The following USP36 variants were observed in gnomAD, a reference collection of about 807,000 sequenced individuals.
USP36 encodes ubiquitin specific peptidase 36, also known as ubiquitin carboxyl-terminal hydrolase 36.
In USP36, 59 loss-of-function variants were observed where a neutral mutation model predicts 111.5. The observed-to-expected ratio is 0.53, with a 90% confidence interval of 0.43 to 0.66. The LOEUF (loss-of-function observed/expected upper bound fraction) is 0.66. Among genes scored for constraint, USP36 ranks in the 30% least tolerant of loss-of-function variants. The pLI is 0.00. For missense variants in USP36, 1,488 were observed against 1,468.0 expected, an observed-to-expected ratio of 1.01 and a Z score of -0.22; for synonymous variants, 628 against 581.0, an observed-to-expected ratio of 1.08 and a Z score of -1.16.
chr17:78,794,099 G>A (rs1183630037), downstream of USP36, among the ~76,000 whole-genome samples: 2 of 152,028 alleles, frequency 1.3e-5, no homozygotes, highest in Admixed American at 6.6e-5. Flanking sequence ...CTCACCTCTT[G>A]AGTCCATCTC....
intron 5 of USP36, among the ~76,000 whole-genome samples, chr17:78,828,105 C>CT (rs1249872276): frequency 6.6e-6 from 1 of 152,006 alleles, no homozygotes; most frequent in Non-Finnish European, 1.5e-5. Flanking sequence ...GTAATCCCAG[C>CT]TACTCAGAAG....
chr17:78,792,935 C>T (rs532000370), downstream of USP36, among the ~76,000 whole-genome samples: 1 of 152,066 alleles, frequency 6.6e-6, no homozygotes, highest in Non-Finnish European at 1.5e-5. Context: ...AGGCTGGTCT[C>T]GAACTTCTGA....
intron 6 of USP36, among the ~76,000 whole-genome samples, chr17:78,825,971 A>G (rs1248675800): frequency 6.6e-6 from 1 of 152,048 alleles, no homozygotes; most frequent in East Asian, 1.9e-4. Flanking sequence ...CACTGTCTTC[A>G]CCAATTACAC....
intron 18 of USP36, among the ~76,000 whole-genome samples, chr17:78,799,406 C>T (rs1181707841): frequency 1.3e-5 from 2 of 152,312 alleles, no homozygotes; most frequent in Middle Eastern, 6.8e-3. Flanking sequence ...ACCCAAGACA[C>T]AGCATGTGTG....
chr17:78,824,213 C>A (rs1195245573), intron 6 of USP36, among the ~76,000 whole-genome samples: 1 of 152,164 alleles, frequency 6.6e-6, no homozygotes, highest in Non-Finnish European at 1.5e-5. Context: ...GTAACCATAA[C>A]CCAAGGCTGG....
intron 16 of USP36, 85 bp from the exon 17 acceptor site, chr17:78,802,620 G>A (rs2093782803): frequency 7.4e-7 from 1 of 1,355,616 alleles, no homozygotes; most frequent in East Asian, 2.5e-5. Context: ...GCAACATGGA[G>A]AAGGTGCCAC....
At chr17:78,821,153 A>G in intron 7 of USP36, 92 bp from the exon 8 acceptor site, 1 of 1,288,890 alleles carries the variant, frequency 7.8e-7, no homozygotes, top group South Asian at 1.4e-5. Context: ...GCAGACTCTC[A>G]GCAGGGCTTT....
In USP36 at chr17:78,798,140, C is replaced by G. The variant is rs2093658185; in HGVS notation, c.*20+260G>C. On this transcript the variant is annotated intron_variant, in intron 20 of 20. Coordinates refer to ENST00000449938, the MANE Select transcript of USP36 (RefSeq NM_001385174.1). The surrounding 1 kb of genome is among the most constrained non-coding windows in gnomAD (Gnocchi z 5.1). ...CCAGGTGTACACACCCCACACCCAA[C>G]ACACACTACACACACCCCCTTATAC... 2 of 484,136 alleles carry G rather than the reference C, an allele frequency of 4.1e-6. No homozygotes were observed. The highest frequency in any genetic ancestry group is 6.7e-5 in the East Asian group (2 of 29,680). 30.0% of individuals were successfully genotyped at this position (484,136 alleles called of 1,614,324 possible). A position where few individuals can be genotyped will look rare whatever the true frequency, so the allele number is the denominator to read the frequency against.
intron 12 of USP36, among the ~76,000 whole-genome samples, chr17:78,813,242 A>G (rs553108227): frequency 7.0e-6 from 1 of 143,282 alleles, no homozygotes; most frequent in Admixed American, 7.1e-5. Context: ...TTCCTCCAAG[A>G]TCAGAGTTCA....
intron 10 of USP36, among the ~76,000 whole-genome samples, chr17:78,817,871 A>T (rs1349644197): frequency 2.0e-5 from 3 of 152,190 alleles, no homozygotes; most frequent in African/African-American, 7.2e-5. Context: ...ACTTGAGCCC[A>T]GGAGTTTGAG....
chr17:78,798,302 T>C lies in USP36; in HGVS notation c.*20+98A>G, dbSNP rs539094308. 26 of 1,476,666 alleles carry C rather than the reference T, an allele frequency of 1.8e-5. 1 individual carries two copies. In the South Asian group the frequency reaches 3.0e-4, roughly 17 times the overall value. The allele number at this position is 1,476,666 out of a possible 1,614,324, so 91.5% of individuals were successfully genotyped here. A position where few individuals can be genotyped will look rare whatever the true frequency, so the allele number is the denominator to read the frequency against. On this transcript the variant is annotated intron_variant, in intron 20 of 20. Transcript: ENST00000449938. The surrounding 1 kb of genome is among the most constrained non-coding windows in gnomAD (Gnocchi z 5.1). Reference sequence around the variant, plus strand: ...ACATGTGCCAGATACACAGCCCACATACATCATACACACACGCCACACCCC... The same window carrying C: ...ACATGTGCCAGATACACAGCCCACACACATCATACACACACGCCACACCCC...
chr17:78,833,288 TTA>T (rs987563532), intron 4 of USP36, among the ~76,000 whole-genome samples: 6 of 152,180 alleles, frequency 3.9e-5, no homozygotes, highest in African/African-American at 4.8e-5. Flanking sequence ...GTTCTTTTTT[TTA>T]TGTTTTTTTG....
rs1393232258 is a variant in USP36 at position 78,798,637 on chromosome 17, C to T, written c.3241-86G>A. 2 of 1,583,902 alleles carry T rather than the reference C, an allele frequency of 1.3e-6. No homozygotes were observed. Among genetic ancestry groups the T allele is most frequent in the Non-Finnish European group, 1.7e-6 (2 of 1,169,206 alleles). Reference sequence around the variant, plus strand: ...CTCCATGCTGCATGCAGGTCCTGCACACAGGCCGGGCTCTCATGAGCTCTC... The same window carrying T: ...CTCCATGCTGCATGCAGGTCCTGCATACAGGCCGGGCTCTCATGAGCTCTC... On this transcript the variant is annotated intron_variant, in intron 19 of 20. Transcript: ENST00000449938. This position sits in a 1 kb window ranked among gnomAD's most constrained non-coding sequence, Gnocchi z 5.1.
rs116447647 is a variant in USP36, at chr17:78,797,436, C to G, written c.*464G>C. The G allele has an allele frequency of 6.6e-6, 1 of 152,358 alleles. No individual in the cohort carries two copies. Among genetic ancestry groups the G allele is most frequent in the East Asian group, 1.9e-4 (1 of 5,194 alleles). The allele number at this position is 152,358 out of a possible 1,614,324, so 9.4% of individuals were successfully genotyped here. The stretch of plus-strand genomic sequence containing the variant: ...CTGAGGAAGCAGGGGAGGGCGGGCT[C>G]GGACACAACGGTGGCGTCAGCCCCG... On this transcript the variant is annotated 3_prime_UTR_variant, in exon 21 of 21. Transcript: ENST00000449938.
chr17:78,798,692 T>G lies in USP36; in HGVS notation c.3241-141A>C, dbSNP rs3744799. On this transcript the variant is annotated intron_variant, in intron 19 of 20. Coordinates refer to ENST00000449938, the MANE Select transcript of USP36 (RefSeq NM_001385174.1). This position sits in a 1 kb window ranked among gnomAD's most constrained non-coding sequence, Gnocchi z 5.1. ...GACCCACTCTTCACAATGACCCCTGTGCACGGCGACCTGCAGTCCCCCTAT... is the reference window on the plus strand; with the variant it reads ...GACCCACTCTTCACAATGACCCCTGGGCACGGCGACCTGCAGTCCCCCTAT... 3 of 1,366,696 alleles carry G rather than the reference T, an allele frequency of 2.2e-6. No individual in the cohort carries two copies. Among genetic ancestry groups the G allele is most frequent in the Non-Finnish European group, 3.0e-6 (3 of 992,652 alleles). The allele number at this position is 1,366,696 out of a possible 1,614,324, so 84.7% of individuals were successfully genotyped here. A position where few individuals can be genotyped will look rare whatever the true frequency, so the allele number is the denominator to read the frequency against.
intron 7 of USP36, 45 bp from the exon 8 acceptor site, chr17:78,821,106 G>A: frequency 1.3e-6 from 2 of 1,551,386 alleles, no homozygotes; most frequent in Non-Finnish European, 8.7e-7. Flanking sequence ...CCTGGCAGAG[G>A]CACTCCCAGC....
chr17:78,836,453 C>T, intron 2 of USP36, 81 bp from the exon 3 acceptor site: 1 of 1,522,602 alleles, frequency 6.6e-7, no homozygotes, highest in South Asian at 1.3e-5. Flanking sequence ...CCTCTTTGGT[C>T]ATTATGGATG....
chr17:78,806,950 C>A lies in USP36; in HGVS notation c.2085+9G>T. ...ATACACAGCAGCGGCGAGACCCCCA[C>A]ACACCCACCTTCTTGGCAGAAAGGG... On this transcript the variant is annotated intron_variant, in intron 14 of 20. Transcript: ENST00000449938. 1.2e-6 allele frequency: 2 copies of A among 1,613,268 alleles called. No homozygotes were observed. Among genetic ancestry groups the A allele is most frequent in the South Asian group, 1.1e-5 (1 of 91,026 alleles).
At chr17:78,790,337 C>T (rs573948718) in intron 3 of USP36, among the ~76,000 whole-genome samples, 3 of 152,232 alleles carry the variant, frequency 2.0e-5, no homozygotes, top group African/African-American at 7.2e-5. Flanking sequence ...GTCACCCAGG[C>T]TGGAGCACAA....
Sources: allele counts gnomAD v4.1 joint callset (sites outside exome capture counted in the v4.1 genomes callset), GRCh38; gene constraint gnomAD v4.1.1; non-coding constraint Gnocchi (gnomAD v3.1); transcripts MANE v1.5; gene names NCBI Gene and HGNC (gene_info 2026-07-23, HGNC 2026-07-21).